CPXM2: variants seen among roughly 807,000 people sequenced by gnomAD.
CPXM2 encodes the protein carboxypeptidase X, M14 family member 2.
Under a neutral mutation model 86.1 loss-of-function variants are expected in CPXM2, and 66 were observed. That is an observed-to-expected ratio of 0.77 (90% CI 0.63 to 0.94). CPXM2 has a LOEUF of 0.94. Among genes scored for constraint, CPXM2 ranks in the 40% least tolerant of loss-of-function variants. The pLI, the probability that CPXM2 is intolerant of heterozygous loss-of-function variation, is 0.00. For missense variants in CPXM2, 948 were observed against 1,026.3 expected (o/e 0.92, Z 1.04); for synonymous variants, 388 against 400.2 (o/e 0.97, Z 0.36).
At chr10:123,827,555 A>G (rs1344933662) in intron 4 of CPXM2, among the ~76,000 whole-genome samples, 1 of 152,230 alleles carries the variant, frequency 6.6e-6, no homozygotes, top group Non-Finnish European at 1.5e-5. Context: ...AATTCTGATG[A>G]AAGAAAACAA....
chr10:123,941,953 T>C (rs1418187915), upstream of CPXM2, among the ~76,000 whole-genome samples: 2 of 152,170 alleles, frequency 1.3e-5, no homozygotes, highest in Non-Finnish European at 2.9e-5. Context: ...CCAGGAGAAA[T>C]TGTGAAAGAG....
chr10:123,857,668 A>C (rs1319696839), intron 3 of CPXM2, among the ~76,000 whole-genome samples: 1 of 150,116 alleles, frequency 6.7e-6, no homozygotes, highest in Non-Finnish European at 1.5e-5. Context: ...GGCGGCGTGG[A>C]GATGGAAGGC....
chr10:123,749,940 G>A (rs184821959), intron 13 of CPXM2, among the ~76,000 whole-genome samples: 1 of 151,636 alleles, frequency 6.6e-6, no homozygotes, highest in African/African-American at 2.4e-5. Context: ...CAAGTAGCTG[G>A]GATTACAGGT....
upstream of CPXM2, among the ~76,000 whole-genome samples, chr10:123,894,890 C>T (rs912925879): frequency 6.6e-6 from 1 of 152,106 alleles, no homozygotes; most frequent in Non-Finnish European, 1.5e-5. Context: ...CTGTTTGGGC[C>T]TCTCTGATCT....
At chr10:123,917,987 T>G (rs1156515233) in intron 2 of CPXM2, among the ~76,000 whole-genome samples, 2 of 152,184 alleles carry the variant, frequency 1.3e-5, no homozygotes, top group Non-Finnish European at 2.9e-5. Flanking sequence ...GGGTGATGTG[T>G]TCAAGACTGT....
Position 123,846,626 on chromosome 10 carries a change from A to G in CPXM2, c.514-4138T>C, listed in dbSNP as rs1238970492. Reference sequence around the variant, plus strand: ...GCACTCCAAAAAAATGAGGCAGAACACTACAGAGAGGAATATATCAGACCC... The same window carrying G: ...GCACTCCAAAAAAATGAGGCAGAACGCTACAGAGAGGAATATATCAGACCC... On this transcript the variant is annotated intron_variant, in intron 3 of 13. Transcript: ENST00000241305. Among the ~76,000 whole-genome samples, 6 of 152,322 alleles carry G rather than the reference A, an allele frequency of 3.9e-5. No individual in the cohort carries two copies. In the South Asian group the frequency reaches 6.2e-4, roughly 16 times the overall value.
At chr10:123,898,949 C>A (rs1450616585) in intron 2 of CPXM2, among the ~76,000 whole-genome samples, 1 of 152,080 alleles carries the variant, frequency 6.6e-6, no homozygotes, top group Admixed American at 6.5e-5. Flanking sequence ...GGGGGTTCAC[C>A]ACGTTGCCCA....
intron 2 of CPXM2, among the ~76,000 whole-genome samples, chr10:123,909,035 A>C (rs1945467188): frequency 6.6e-6 from 1 of 152,232 alleles, no homozygotes; most frequent in Non-Finnish European, 1.5e-5. Context: ...TAATAACCTA[A>C]TGCATTGACT....
intron 10 of CPXM2, among the ~76,000 whole-genome samples, chr10:123,764,511 G>A (rs982132354): frequency 6.6e-6 from 1 of 151,694 alleles, no homozygotes; most frequent in Non-Finnish European, 1.5e-5. Context: ...TTTTGAGACA[G>A]GGTCTCACTC....
chr10:123,853,035 G>A (rs959082801), intron 3 of CPXM2, among the ~76,000 whole-genome samples: 1 of 152,152 alleles, frequency 6.6e-6, no homozygotes, highest in African/African-American at 2.4e-5. Context: ...GGGGCCTGGT[G>A]GGAGGTGATT....
intron 3 of CPXM2, among the ~76,000 whole-genome samples, chr10:123,854,232 C>A (rs1377507701): frequency 6.7e-6 from 1 of 149,964 alleles, no homozygotes; most frequent in Non-Finnish European, 1.5e-5. Context: ...CTTTTCTGGG[C>A]CCTTCCTGGA....
At chr10:123,859,566 G>T (rs1332378901) in intron 3 of CPXM2, among the ~76,000 whole-genome samples, 2 of 152,222 alleles carry the variant, frequency 1.3e-5, no homozygotes, top group African/African-American at 4.8e-5. Flanking sequence ...CCCGAGTAGG[G>T]TCAGAGCCAG....
chr10:123,763,445 C>A (rs1345277831), intron 10 of CPXM2, among the ~76,000 whole-genome samples: 1 of 152,130 alleles, frequency 6.6e-6, no homozygotes, highest in African/African-American at 2.4e-5. Context: ...CTCGGAGGCA[C>A]CCACTGTATC....
intron 1 of CPXM2, among the ~76,000 whole-genome samples, chr10:123,888,242 G>A (rs1945211656): frequency 6.6e-6 from 1 of 152,104 alleles, no homozygotes; most frequent in Admixed American, 6.5e-5. Flanking sequence ...ATCTTTCCTT[G>A]CACTCACCTT....
chr10:123,774,664 T>G (rs1225872090), intron 7 of CPXM2, among the ~76,000 whole-genome samples: 1 of 152,208 alleles, frequency 6.6e-6, no homozygotes, highest in African/African-American at 2.4e-5. Context: ...ACTCTCTTAC[T>G]GCTCCAGGGG....
chr10:123,897,668 T>C (rs1305470152), intron 2 of CPXM2, among the ~76,000 whole-genome samples: 1 of 152,184 alleles, frequency 6.6e-6, no homozygotes, highest in Non-Finnish European at 1.5e-5. Context: ...ATCTAAGTTC[T>C]TTAAATTTAG....
intron 6 of CPXM2, among the ~76,000 whole-genome samples, chr10:123,789,470 G>T (rs1294315897): frequency 6.6e-6 from 1 of 152,206 alleles, no homozygotes; most frequent in African/African-American, 2.4e-5. Flanking sequence ...AAGCTGTCAG[G>T]AAAGACAGCT....
intron 13 of CPXM2, among the ~76,000 whole-genome samples, chr10:123,749,222 C>T (rs566718532): frequency 6.6e-6 from 1 of 152,148 alleles, no homozygotes; most frequent in East Asian, 1.9e-4. Context: ...CCCCTGGAAG[C>T]AAACCTCTCA....
At chr10:123,772,166 T>C (rs972869433) in intron 7 of CPXM2, among the ~76,000 whole-genome samples, 5 of 152,014 alleles carry the variant, frequency 3.3e-5, no homozygotes, top group African/African-American at 1.2e-4. Context: ...GATCATCACC[T>C]CCTTCGTTGT....
Sources: allele counts gnomAD v4.1 joint callset (sites outside exome capture counted in the v4.1 genomes callset), GRCh38; gene constraint gnomAD v4.1.1; transcripts MANE v1.5; gene names NCBI Gene and HGNC (gene_info 2026-07-23, HGNC 2026-07-21).